The following SPTLC3 variants were observed in gnomAD, a reference collection of about 807,000 sequenced individuals.
The protein encoded by SPTLC3 is serine palmitoyltransferase 3.
In SPTLC3, 36 loss-of-function variants were observed where a neutral mutation model predicts 59.3. The ratio of observed to expected loss-of-function variants is 0.61; its 90% CI spans 0.47 to 0.80. The LOEUF (loss-of-function observed/expected upper bound fraction) is 0.80. Ranked by LOEUF, SPTLC3 falls within the 30% of genes least tolerant of loss-of-function variation. SPTLC3 has a pLI of 0.00. For synonymous variants in SPTLC3, 257 were observed against 240.8 expected (o/e 1.07, Z -0.62); for missense variants, 625 against 685.1 (o/e 0.91, Z 0.98).
chr20:13,120,400 C>A (rs539585902), intron 8 of SPTLC3, among the ~76,000 whole-genome samples: 15 of 152,250 alleles, frequency 9.9e-5, no homozygotes, highest in South Asian at 2.1e-4. Flanking sequence ...TGCTGTTTTT[C>A]TGAAACTGTG....
At chr20:13,110,625 C>T (rs965519017) in intron 7 of SPTLC3, among the ~76,000 whole-genome samples, 3 of 152,150 alleles carry the variant, frequency 2.0e-5, no homozygotes, top group South Asian at 2.1e-4. Context: ...CTGGACAGCA[C>T]GCCCAACCCC....
intron 10 of SPTLC3, among the ~76,000 whole-genome samples, chr20:13,155,864 A>G (rs184124084): frequency 4.1e-4 from 62 of 152,308 alleles, no homozygotes; most frequent in Non-Finnish European, 3.1e-4. Context: ...AGCATGCCAC[A>G]TCATTCCCAC....
At chr20:13,131,904 T>C (rs2038128404) in intron 9 of SPTLC3, among the ~76,000 whole-genome samples, 2 of 152,172 alleles carry the variant, frequency 1.3e-5, no homozygotes, top group African/African-American at 4.8e-5. Context: ...TCTCAGGATG[T>C]GGTCCTCCAT....
intron 6 of SPTLC3, among the ~76,000 whole-genome samples, chr20:13,108,643 C>T (rs897959325): frequency 2.6e-5 from 4 of 151,526 alleles, no homozygotes; most frequent in African/African-American, 9.7e-5. Flanking sequence ...GGTGTGATCT[C>T]GGCTCACTGC....
chr20:13,112,839 T>C (rs1990313261), intron 7 of SPTLC3, among the ~76,000 whole-genome samples: 1 of 152,162 alleles, frequency 6.6e-6, no homozygotes, highest in South Asian at 2.1e-4. Flanking sequence ...GCCTTAAACC[T>C]CAAAGGAAAA....
chr20:13,050,195 T>G (rs1246231433), intron 2 of SPTLC3: 3 of 151,502 alleles, frequency 2.0e-5, no homozygotes, highest in Non-Finnish European at 4.4e-5. Flanking sequence ...TTACAAGAAG[T>G]GAAGAGAGAA....
At chr20:13,082,217 C>A (rs912855150) in intron 4 of SPTLC3, among the ~76,000 whole-genome samples, 1 of 152,030 alleles carries the variant, frequency 6.6e-6, no homozygotes, top group Non-Finnish European at 1.5e-5. Flanking sequence ...TTCCATCTTC[C>A]CACATAAATA....
chr20:13,093,210 C>T (rs1462467189), intron 5 of SPTLC3, among the ~76,000 whole-genome samples: 1 of 152,204 alleles, frequency 6.6e-6, no homozygotes, highest in Non-Finnish European at 1.5e-5. Context: ...CTACCTGGTG[C>T]TTAACAAGGA....
chr20:13,078,491 T>C (rs1020619199), intron 4 of SPTLC3, among the ~76,000 whole-genome samples: 1 of 151,868 alleles, frequency 6.6e-6, no homozygotes, highest in Admixed American at 6.6e-5. Context: ...CTCAAAGAGA[T>C]TGTACTATGA....
chr20:13,147,340 T>C (rs963231738), intron 9 of SPTLC3, among the ~76,000 whole-genome samples: 4 of 152,202 alleles, frequency 2.6e-5, no homozygotes, highest in African/African-American at 9.7e-5. Context: ...TCAGTGCTAA[T>C]GTGATTCTTA....
intron 4 of SPTLC3, among the ~76,000 whole-genome samples, chr20:13,086,356 G>A (rs960253145): frequency 1.4e-4 from 21 of 152,254 alleles, no homozygotes; most frequent in Admixed American, 1.2e-3. Context: ...TTAAAAGGAA[G>A]ATTTTTCATT....
chr20:13,060,233 T>C (rs937301027), intron 2 of SPTLC3, among the ~76,000 whole-genome samples: 2 of 152,162 alleles, frequency 1.3e-5, no homozygotes, highest in Non-Finnish European at 2.9e-5. Flanking sequence ...CAGTTCACAG[T>C]TTATATACAG....
At chr20:13,081,031 C>G (rs1031517362) in intron 4 of SPTLC3, among the ~76,000 whole-genome samples, 1 of 152,130 alleles carries the variant, frequency 6.6e-6, no homozygotes, top group Admixed American at 6.5e-5. Flanking sequence ...AAACTCAAAT[C>G]CTAGTTCCTC....
chr20:13,061,403 C>T (rs1987969130), intron 2 of SPTLC3, among the ~76,000 whole-genome samples: 1 of 152,198 alleles, frequency 6.6e-6, no homozygotes, highest in Non-Finnish European at 1.5e-5. Context: ...GCCCCCTCCA[C>T]CACCTACCTG....
intron 9 of SPTLC3, among the ~76,000 whole-genome samples, chr20:13,136,567 T>C (rs192118672): frequency 6.6e-6 from 1 of 150,498 alleles, no homozygotes; most frequent in African/African-American, 2.4e-5. Flanking sequence ...ACCACTGCAC[T>C]CCAGCCTGGG....
intron 9 of SPTLC3, among the ~76,000 whole-genome samples, chr20:13,134,694 T>C (rs2038202563): frequency 6.6e-6 from 1 of 151,720 alleles, no homozygotes; most frequent in Non-Finnish European, 1.5e-5. Context: ...AACAGATCTG[T>C]GCAGTGGGAG....
At chr20:13,042,097 G>T (rs1305378106) in intron 1 of SPTLC3, among the ~76,000 whole-genome samples, 1 of 152,116 alleles carries the variant, frequency 6.6e-6, no homozygotes, top group Non-Finnish European at 1.5e-5. Flanking sequence ...AGCCTTTGAG[G>T]TTTATTCTGA....
At chr20:13,023,261 ATG>A (rs1204100083) in intron 1 of SPTLC3, among the ~76,000 whole-genome samples, 2 of 126,386 alleles carry the variant, frequency 1.6e-5, no homozygotes, top group Non-Finnish European at 3.5e-5. Flanking sequence ...ACATCTGCAC[ATG>A]TGCACACACA....
intron 1 of SPTLC3, among the ~76,000 whole-genome samples, chr20:13,034,800 A>G (rs936970503): frequency 6.6e-6 from 1 of 152,088 alleles, no homozygotes; most frequent in African/African-American, 2.4e-5. Flanking sequence ...CAAAAAAAAA[A>G]TGCTGTTATA....
Sources: gnomAD v4.1 joint callset for allele counts (sites outside exome capture counted in the v4.1 genomes callset) on GRCh38, gnomAD v4.1.1 for gene constraint, MANE v1.5 for transcripts, NCBI Gene and HGNC (gene_info 2026-07-23, HGNC 2026-07-21) for gene names.